TPR: variants seen among roughly 807,000 people sequenced by gnomAD.
TPR encodes the protein translocated promoter region, nuclear basket protein.
A neutral mutation model predicts 316.1 loss-of-function variants in TPR; 51 were observed. The ratio of observed to expected loss-of-function variants is 0.16; its 90% CI spans 0.13 to 0.20. The LOEUF (loss-of-function observed/expected upper bound fraction) is 0.20. Among genes scored for constraint, TPR ranks in the 10% least tolerant of loss-of-function variants. The pLI, the probability that TPR is intolerant of heterozygous loss-of-function variation, is 1.00. For synonymous variants in TPR, 981 were observed against 914.7 expected (o/e 1.07, Z -1.31); for missense variants, 2,272 against 2,754.8 (o/e 0.82, Z 3.92).
chr1:186,363,233 A>T, intron 5 of TPR, 109 bp downstream of exon 5: 1 of 1,083,114 alleles, frequency 9.2e-7, no homozygotes, highest in South Asian at 1.5e-5. Flanking sequence ...CATTAAAAAC[A>T]AAACAAAATG....
intron 21 of TPR, among the ~76,000 whole-genome samples, chr1:186,349,989 C>T (rs958801319): frequency 2.6e-5 from 4 of 152,142 alleles, no homozygotes; most frequent in African/African-American, 9.7e-5. Context: ...AAGCTGGGTA[C>T]ATACCTTGAT....
chr1:186,331,647 T>A, intron 38 of TPR, 66 bp from the exon 39 acceptor site: 1 of 1,077,986 alleles, frequency 9.3e-7, no homozygotes, highest in Non-Finnish European at 1.3e-6. Context: ...CCTGTTTTTG[T>A]TAGTTCTCTC....
intron 3 of TPR, among the ~76,000 whole-genome samples, chr1:186,369,426 G>A (rs1024682399): frequency 1.4e-4 from 21 of 151,510 alleles, no homozygotes; most frequent in South Asian, 8.3e-4. Context: ...AATTTCTTTC[G>A]TCAATGTTAT....
Position 186,334,359 on chromosome 1 carries a change from T to C in TPR, c.5148A>G (p.Thr1716=), listed in dbSNP as rs1346742535. 1.9e-6 allele frequency: 3 copies of C among 1,613,436 alleles called. No individual in the cohort carries two copies. The highest frequency in any genetic ancestry group is 1.3e-5 in the African/African-American group (1 of 75,010). The part of the protein sequence containing the change: ...VTNPTTTPTA[T]VMPTTQVESQ... ...ATTCCACTTGTGTAGTGGGCATCAC[T>C]GTAGCTGTTGGGGTAGTAGTGGGAT... Residue 1716 remains threonine, a synonymous_variant, in exon 36 of 51, where the codon ACA becomes ACG. Transcript: ENST00000367478.
intron 30 of TPR, 121 bp from the exon 31 acceptor site, chr1:186,338,364 A>G: frequency 2.6e-6 from 2 of 755,202 alleles, no homozygotes; most frequent in Non-Finnish European, 4.1e-6. Flanking sequence ...ATCCTAAAAA[A>G]TACCCATATA....
chr1:186,321,946 G>T (rs781263466), intron 45 of TPR, among the ~76,000 whole-genome samples: 4 of 152,120 alleles, frequency 2.6e-5, no homozygotes, highest in Non-Finnish European at 2.9e-5. Context: ...TTATGCAACA[G>T]AAATTATTCT....
In TPR at chr1:186,317,721, A is replaced by G. The variant is rs1657651999; in HGVS notation, c.6822-121T>C. On this transcript the variant is annotated intron_variant, in intron 48 of 50. Transcript: ENST00000367478. ...CCAGAGCTCCCTTAAACAAAAAATTATAGACTGATTTGGTTACCATATATA... is the reference window on the plus strand; with the variant it reads ...CCAGAGCTCCCTTAAACAAAAAATTGTAGACTGATTTGGTTACCATATATA... The G allele has an allele frequency of 4.9e-6, 4 of 823,322 alleles. No individual in the cohort carries two copies. In the East Asian group the frequency reaches 1.1e-4, roughly 22 times the overall value. The allele number at this position is 823,322 out of a possible 1,614,324, so 51.0% of individuals were successfully genotyped here.
At chr1:186,333,484 C>T (rs1295341641) in intron 36 of TPR, 90 bp from the exon 37 acceptor site, 3 of 1,506,464 alleles carry the variant, frequency 2.0e-6, no homozygotes, top group Non-Finnish European at 2.7e-6. Flanking sequence ...TGTCACCTTT[C>T]ACACAGATTT....
chr1:186,368,533 C>A (rs542447982), intron 3 of TPR, among the ~76,000 whole-genome samples: 1 of 152,234 alleles, frequency 6.6e-6, no homozygotes, highest in East Asian at 1.9e-4. Flanking sequence ...TCATTTGAGC[C>A]CGGGAGGCAG....
At chr1:186,336,868 C>T (rs1411316809) in intron 32 of TPR, 145 bp downstream of exon 32, 1 of 1,337,578 alleles carries the variant, frequency 7.5e-7, no homozygotes, top group Non-Finnish European at 1.0e-6. Context: ...TGATTGGGTA[C>T]TACTTACATA....
At chr1:186,362,451 G>T in intron 6 of TPR, 71 bp from the exon 7 acceptor site, 1 of 1,236,606 alleles carries the variant, frequency 8.1e-7, no homozygotes, top group Non-Finnish European at 1.2e-6. Flanking sequence ...TGAGGTTTAT[G>T]CTGCTAAGGA....
At chr1:186,348,383 C>T (rs1221121593) in intron 21 of TPR, among the ~76,000 whole-genome samples, 1 of 152,124 alleles carries the variant, frequency 6.6e-6, no homozygotes, top group African/African-American at 2.4e-5. Context: ...TGTGGTCAGA[C>T]CGGTTCTCTG....
chr1:186,312,309 C>A lies in TPR; in HGVS notation c.*1662G>T. ...ACGTCGCTTTGAACGTGCTATAGGA[C>A]CTTCTCAAACACACACCATCAGAAT... is the stretch of plus-strand genomic sequence containing the variant. On this transcript the variant is annotated 3_prime_UTR_variant, in exon 51 of 51. Transcript: ENST00000367478. 5 of 1,612,724 alleles carry A rather than the reference C, an allele frequency of 3.1e-6. No individual in the cohort carries two copies. Among genetic ancestry groups the A allele is most frequent in the Non-Finnish European group, 4.2e-6 (5 of 1,179,516 alleles).
chr1:186,360,941 TAC>T, intron 9 of TPR, 36 bp from the exon 10 acceptor site: 4 of 1,592,356 alleles, frequency 2.5e-6, no homozygotes, highest in Non-Finnish European at 3.4e-6. Context: ...TATTCAAACA[TAC>T]AGTTAAAATT....
intron 27 of TPR, chr1:186,342,565 A>G (rs1658541731): frequency 6.6e-6 from 1 of 152,202 alleles, no homozygotes; most frequent in African/African-American, 2.4e-5. Flanking sequence ...TGGAACCTTT[A>G]GCTTTTGCTG....
intron 43 of TPR, among the ~76,000 whole-genome samples, chr1:186,323,299 C>T (rs1170812593): frequency 2.0e-5 from 3 of 152,208 alleles, no homozygotes; most frequent in Admixed American, 2.0e-4. Flanking sequence ...CTGTTAAGTA[C>T]AACAGAAATT....
At chr1:186,336,875 C>T in intron 32 of TPR, 138 bp downstream of exon 32, 1 of 1,386,106 alleles carries the variant, frequency 7.2e-7, no homozygotes, top group Non-Finnish European at 9.9e-7. Context: ...GTACTACTTA[C>T]ATACATGAGC....
chr1:186,370,461 TC>T (rs1659487109), intron 3 of TPR, among the ~76,000 whole-genome samples: 1 of 152,108 alleles, frequency 6.6e-6, no homozygotes, highest in South Asian at 2.1e-4. Flanking sequence ...TTGCGCCTAT[TC>T]AGATTCTGGA....
In TPR at chr1:186,322,588, TGC is replaced by T; in HGVS notation, c.6298-4_6298-3del. The stretch of plus-strand genomic sequence containing the variant: ...CTGCCTTCGGGTCATCTGAATTCTC[TGC>T]GTGTCAAGATAAAGGAATTACATTT... On this transcript the variant is annotated splice_polypyrimidine_tract_variant and splice_region_variant and intron_variant, in intron 43 of 50. Transcript: ENST00000367478. 2.5e-6 allele frequency: 4 copies of T among 1,614,026 alleles called. No homozygotes were observed. The highest frequency in any genetic ancestry group is 3.4e-6 in the Non-Finnish European group (4 of 1,179,942).
Sources: gnomAD v4.1 joint callset for allele counts (sites outside exome capture counted in the v4.1 genomes callset) on GRCh38, gnomAD v4.1.1 for gene constraint, MANE v1.5 for transcripts, NCBI Gene and HGNC (gene_info 2026-07-23, HGNC 2026-07-21) for gene names.